KDM3B: variants seen among roughly 807,000 people sequenced by gnomAD.
KDM3B encodes lysine-specific demethylase 3B.
KDM3B carries 10 observed loss-of-function variants against 170.0 expected under a neutral mutation model. The observed-to-expected ratio is 0.06, with a 90% CI of 0.04 to 0.10. KDM3B has a LOEUF of 0.10. Among genes scored for constraint, KDM3B ranks in the 10% least tolerant of loss-of-function variants. The pLI, the probability that KDM3B is intolerant of heterozygous loss-of-function variation, is 1.00. For synonymous variants in KDM3B, 831 were observed against 834.8 expected, an observed-to-expected ratio of 1.00 and a Z score of 0.08; for missense variants, 1,394 against 2,195.2, an observed-to-expected ratio of 0.64 and a Z score of 7.29.
chr5:138,386,774 G>A (rs1349996122), intron 7 of KDM3B, among the ~76,000 whole-genome samples, 153 bp downstream of exon 7: 8 of 152,192 alleles, frequency 5.3e-5, no homozygotes, highest in Non-Finnish European at 1.2e-4. Context: ...ACTGCTCACT[G>A]GGCAAATGTG....
Position 138,420,913 on chromosome 5 carries a change from C to T in KDM3B, c.3923C>T (p.Pro1308Leu). Residue 1308 changes from proline to leucine, a missense_variant, in exon 15 of 24, where the codon CCC (proline) becomes CTC (leucine). Physicochemically the swap from Pro to Leu is moderately conservative, Grantham distance 98 (BLOSUM62 -3). This residue lies in a region of KDM3B where 137 missense variants were observed against 166.9 expected (regional missense o/e 0.82). Coordinates refer to ENST00000314358, the MANE Select transcript of KDM3B (RefSeq NM_016604.4). The part of the protein sequence containing the change: ...HSGPGKLPQT[P>L]LDTGIPFPPV... ...GGGCCGGGAAAACTTCCTCAAACCC[C>T]CTTGGACACAGGCATACCCTTTCCC... The T allele has an allele frequency of 6.2e-7, 1 of 1,614,130 alleles. No individual in the cohort carries two copies. The highest frequency in any genetic ancestry group is 8.5e-7 in the Non-Finnish European group (1 of 1,180,006).
intron 3 of KDM3B, among the ~76,000 whole-genome samples, chr5:138,376,480 G>A (rs538338629): frequency 3.3e-5 from 5 of 151,976 alleles, no homozygotes; most frequent in Admixed American, 6.5e-5. Context: ...CGAGACGGGC[G>A]GATCATGAGG....
intron 2 of KDM3B, among the ~76,000 whole-genome samples, chr5:138,373,237 G>A (rs1761917135): frequency 6.6e-6 from 1 of 151,880 alleles, no homozygotes; most frequent in African/African-American, 2.4e-5. Flanking sequence ...CTACTTGTGG[G>A]GCTGAGGTGG....
At chr5:138,354,655 A>T (rs1053346833) in intron 1 of KDM3B, among the ~76,000 whole-genome samples, 2 of 152,128 alleles carry the variant, frequency 1.3e-5, no homozygotes, top group Non-Finnish European at 2.9e-5. Flanking sequence ...TCCTTGCTGG[A>T]CACCCACTAA....
At position 138,417,565 on chromosome 5, in the gene KDM3B, G is replaced by A; in HGVS notation, c.3390G>A (p.Gln1130=). ...IKANCPCISR[Q]NKSVLRPAVT... Reference sequence around the variant, plus strand: ...CAAACTGCCCTTGTATCAGTCGACAGAACAAATCTGTATTGAGACCTGCCG... The same window carrying A: ...CAAACTGCCCTTGTATCAGTCGACAAAACAAATCTGTATTGAGACCTGCCG... Residue 1130 remains glutamine (Q), a synonymous_variant, in exon 13 of 24, where the codon CAG becomes CAA. Transcript: ENST00000314358. 6.2e-7 allele frequency: 1 copy of A among 1,614,174 alleles called. No individual in the cohort carries two copies. The highest frequency in any genetic ancestry group is 1.7e-5 in the Admixed American group (1 of 60,026).
intron 2 of KDM3B, 113 bp downstream of exon 2, chr5:138,372,954 A>AT: frequency 3.2e-6 from 3 of 927,828 alleles, no homozygotes; most frequent in Non-Finnish European, 4.5e-6. Context: ...CTTAACGTAC[A>AT]TTTATTCTGA....
intron 7 of KDM3B, among the ~76,000 whole-genome samples, chr5:138,388,543 A>G (rs566179599): frequency 1.3e-5 from 2 of 151,372 alleles, no homozygotes; most frequent in Non-Finnish European, 1.5e-5. Context: ...GAGGCAGGAG[A>G]ATGGCGTGAA....
rs17641165 is a variant in KDM3B, at chr5:138,393,050, G to A, written c.2630-121G>A. 0.019 allele frequency: 15,209 copies of A among 817,432 alleles called. 1,325 individuals are homozygous for A. In the East Asian group the frequency reaches 0.23, roughly 12 times the overall value. 50.6% of individuals were successfully genotyped at this position (817,432 alleles called of 1,614,324 possible). A position where few individuals can be genotyped will look rare whatever the true frequency, so the allele number is the denominator to read the frequency against. On this transcript the variant is annotated intron_variant, in intron 8 of 23. Transcript: ENST00000314358. ...TCAAGGATGGACATAATGGGTACAT[G>A]CCCAAGCAGGGAAAGGAGTAGCAAC...
chr5:138,378,813 A>G (rs895282814), intron 4 of KDM3B, among the ~76,000 whole-genome samples: 3 of 149,106 alleles, frequency 2.0e-5, no homozygotes, highest in South Asian at 2.1e-4. Context: ...ATATATATAT[A>G]TAGATATATA....
chr5:138,390,815 C>A (rs898597349), intron 7 of KDM3B, among the ~76,000 whole-genome samples, 198 bp from the exon 8 acceptor site: 1 of 152,088 alleles, frequency 6.6e-6, no homozygotes, highest in Non-Finnish European at 1.5e-5. Flanking sequence ...GCTAAAGATG[C>A]CCTCAGTGTA....
At chr5:138,395,739 C>G (rs896477983) in intron 9 of KDM3B, among the ~76,000 whole-genome samples, 19 of 151,920 alleles carry the variant, frequency 1.3e-4, no homozygotes, top group African/African-American at 4.6e-4. Context: ...GCCTCAGTCT[C>G]CTGAGTAGCT....
chr5:138,360,658 A>G (rs1260066009), intron 1 of KDM3B, among the ~76,000 whole-genome samples: 2 of 135,470 alleles, frequency 1.5e-5, no homozygotes, highest in Non-Finnish European at 3.1e-5. Context: ...TGCAACCTCC[A>G]CCTCCCGGGT....
chr5:138,380,769 C>T (rs1762105916), intron 5 of KDM3B, among the ~76,000 whole-genome samples: 1 of 151,982 alleles, frequency 6.6e-6, no homozygotes, highest in Non-Finnish European at 1.5e-5. Context: ...AACAGAGTCT[C>T]ACTGTGTTGC....
At chr5:138,370,026 G>A (rs78702109) in intron 1 of KDM3B, among the ~76,000 whole-genome samples, 12,621 of 152,186 alleles carry the variant, frequency 0.083, 713 homozygotes, top group Non-Finnish European at 0.12. Context: ...TCTTGGTGCC[G>A]GAGTCTGCAC....
chr5:138,355,469 T>C (rs936601065), intron 1 of KDM3B, among the ~76,000 whole-genome samples: 3 of 152,224 alleles, frequency 2.0e-5, no homozygotes, highest in African/African-American at 7.2e-5. Flanking sequence ...TCCTGTTGAT[T>C]GAGAGTTTTG....
chr5:138,396,189 G>T (rs1434966725), intron 9 of KDM3B, among the ~76,000 whole-genome samples: 2 of 151,712 alleles, frequency 1.3e-5, no homozygotes, highest in East Asian at 3.9e-4. Context: ...TCCGCCTCCC[G>T]GGTTCACGCC....
chr5:138,392,933 A>G (rs1321563271), intron 8 of KDM3B, among the ~76,000 whole-genome samples: 1 of 152,172 alleles, frequency 6.6e-6, no homozygotes, highest in Non-Finnish European at 1.5e-5. Flanking sequence ...CCATATTCAA[A>G]GTTGTTTTGC....
intron 1 of KDM3B, among the ~76,000 whole-genome samples, chr5:138,363,160 A>G (rs1414910993): frequency 6.6e-6 from 1 of 152,180 alleles, no homozygotes; most frequent in Non-Finnish European, 1.5e-5. Context: ...ACTAGATAGT[A>G]AATTCATGGA....
chr5:138,425,678 G>T, intron 17 of KDM3B, 96 bp downstream of exon 17: 2 of 1,085,996 alleles, frequency 1.8e-6, no homozygotes, highest in Non-Finnish European at 2.6e-6. Context: ...ATATTCTGGG[G>T]CATAATGGGA....
Sources: gnomAD v4.1 joint callset for allele counts (sites outside exome capture counted in the v4.1 genomes callset) on GRCh38, gnomAD v4.1.1 for gene constraint, gnomAD v4.1.1 regional missense constraint, MANE v1.5 for transcripts, NCBI Gene and HGNC (gene_info 2026-07-23, HGNC 2026-07-21) for gene names.